TRPM1: variants seen among roughly 807,000 people sequenced by gnomAD.
TRPM1 encodes transient receptor potential cation channel subfamily M member 1.
A neutral mutation model predicts 149.4 loss-of-function variants in TRPM1; 113 were observed. The observed-to-expected ratio is 0.76, with a 90% CI of 0.65 to 0.88. The LOEUF (loss-of-function observed/expected upper bound fraction) is 0.88. Ranked by LOEUF, TRPM1 falls within the 40% of genes least tolerant of loss-of-function variation. The probability of loss-of-function intolerance (pLI) is 0.00; values close to 1 mark genes in which losing one functional copy is unlikely to be tolerated. For synonymous variants in TRPM1, 741 were observed against 759.5 expected (o/e 0.98, Z 0.40); for missense variants, 1,976 against 2,038.7 (o/e 0.97, Z 0.59).
chr15:31,096,843 G>C (rs1453707147), intron 1 of TRPM1, among the ~76,000 whole-genome samples: 1 of 152,206 alleles, frequency 6.6e-6, no homozygotes, highest in Non-Finnish European at 1.5e-5. Flanking sequence ...GGCCTGTCAG[G>C]TGTGGGCATC....
At chr15:31,149,848 G>C (rs1414576192) in intron 1 of TRPM1, among the ~76,000 whole-genome samples, 5 of 152,214 alleles carry the variant, frequency 3.3e-5, no homozygotes, top group Non-Finnish European at 5.9e-5. Flanking sequence ...CTTCCATCTT[G>C]ACATTCTGCC....
chr15:31,112,025 T>C (rs1299965557), intron 1 of TRPM1, among the ~76,000 whole-genome samples: 1 of 152,112 alleles, frequency 6.6e-6, no homozygotes, highest in Admixed American at 6.6e-5. Flanking sequence ...TTTGAAAAAA[T>C]CTTTGGAAAA....
At chr15:31,135,923 T>G (rs968696078) in intron 1 of TRPM1, among the ~76,000 whole-genome samples, 4 of 152,102 alleles carry the variant, frequency 2.6e-5, no homozygotes, top group Admixed American at 6.6e-5. Flanking sequence ...TTACCCAGCC[T>G]CAGGTATTCC....
At position 31,068,018 on chromosome 15, in the gene TRPM1, G is replaced by A; in HGVS notation, c.354C>T (p.Leu118=). ...HLMVKDWQLE[L]PKLLISVHGG... ...CATGCACAGATATTAAGAGCTTGGGGAGTTCCAGCTGCCAATCTTTCACCA... is the reference window on the plus strand; with the variant it reads ...CATGCACAGATATTAAGAGCTTGGGAAGTTCCAGCTGCCAATCTTTCACCA... The change falls in exon 5 of 28, where the codon CTC becomes CTT. Residue 118 remains leucine, a synonymous_variant. Transcript: ENST00000256552. 9.3e-6 allele frequency: 15 copies of A among 1,614,216 alleles called. No homozygotes were observed. The highest frequency in any genetic ancestry group is 1.3e-5 in the Non-Finnish European group (15 of 1,180,036).
intron 1 of TRPM1, among the ~76,000 whole-genome samples, chr15:31,113,300 G>C (rs77499079): frequency 0.032 from 4,925 of 152,172 alleles, 275 homozygotes; most frequent in African/African-American, 0.11. Context: ...TAACTCTCCA[G>C]GAAGAGTGCT....
chr15:31,037,262 G>A (rs1362621776), intron 20 of TRPM1, among the ~76,000 whole-genome samples: 2 of 152,218 alleles, frequency 1.3e-5, no homozygotes, highest in Non-Finnish European at 2.9e-5. Context: ...AGAATGAGAC[G>A]CCTTGATTTG....
rs576427665 is a variant in TRPM1 at position 31,049,582 on chromosome 15, CAG to C, written c.1438-75_1438-74del. The C allele has an allele frequency of 8.3e-5, 131 of 1,570,242 alleles. 2 individuals carry two copies. The South Asian group carries it at 1.3e-3, about 16-fold the overall frequency. On this transcript the variant is annotated intron_variant, in intron 12 of 27. Coordinates refer to ENST00000256552, the MANE Select transcript of TRPM1 (RefSeq NM_001252024.2). ...CAGGGGAGGGGGGCGACTGGAAACA[CAG>C]AGGAAAGGGTATTCCGAACGCCAGA... is the stretch of plus-strand genomic sequence containing the variant.
At chr15:31,012,346 A>C (rs1213539556) in intron 27 of TRPM1, among the ~76,000 whole-genome samples, 2 of 152,156 alleles carry the variant, frequency 1.3e-5, no homozygotes, top group Non-Finnish European at 2.9e-5. Context: ...GGAATATCTT[A>C]ATTTATCCTT....
intron 11 of TRPM1, among the ~76,000 whole-genome samples, chr15:31,053,011 T>A (rs2033987124): frequency 6.6e-6 from 1 of 152,188 alleles, no homozygotes; most frequent in Non-Finnish European, 1.5e-5. Context: ...TATTTGTACA[T>A]CATGTATATG....
At chr15:31,113,210 C>A (rs567662642) in intron 1 of TRPM1, among the ~76,000 whole-genome samples, 7 of 152,280 alleles carry the variant, frequency 4.6e-5, no homozygotes, top group Non-Finnish European at 8.8e-5. Flanking sequence ...TGGTAACTCA[C>A]AGGAGTGAAT....
At chr15:31,048,002 C>A in intron 13 of TRPM1, 63 bp from the exon 14 acceptor site, 1 of 1,431,442 alleles carries the variant, frequency 7.0e-7, no homozygotes, top group Non-Finnish European at 9.8e-7. Context: ...GTGGCTCACG[C>A]CTGTAGTCCC....
At chr15:31,057,515 C>T (rs746850896) in intron 11 of TRPM1, among the ~76,000 whole-genome samples, 1 of 152,156 alleles carries the variant, frequency 6.6e-6, no homozygotes, top group African/African-American at 2.4e-5. Flanking sequence ...AACAAACCTG[C>T]ACTTGTACCC....
At position 31,047,030 on chromosome 15, in the gene TRPM1, C is replaced by T. The variant is rs2033784981; in HGVS notation, c.1764+81G>A. 4.8e-5 allele frequency: 76 copies of T among 1,588,208 alleles called. 2 individuals carry two copies. In the South Asian group the frequency reaches 8.2e-4, roughly 17 times the overall value. On this transcript the variant is annotated intron_variant, in intron 15 of 27. Coordinates refer to ENST00000256552, the MANE Select transcript of TRPM1 (RefSeq NM_001252024.2). ...ACAGGGCGAAGGGCTTGGCTCTGAA[C>T]CGGCCAAGTTGTTGAAAAGCAAGCG...
chr15:31,019,572 T>C (rs2032485468), intron 27 of TRPM1, among the ~76,000 whole-genome samples: 1 of 152,198 alleles, frequency 6.6e-6, no homozygotes, highest in Non-Finnish European at 1.5e-5. Context: ...CAGCTAATTT[T>C]TGTATTTTTA....
chr15:31,037,392 T>G (rs754014679), intron 20 of TRPM1, among the ~76,000 whole-genome samples: 3 of 152,256 alleles, frequency 2.0e-5, no homozygotes, highest in Non-Finnish European at 2.9e-5. Flanking sequence ...TCTCTGTTCA[T>G]TTAAAAATAA....
intron 1 of TRPM1, among the ~76,000 whole-genome samples, chr15:31,126,374 G>A (rs1220342954): frequency 4.6e-5 from 7 of 152,176 alleles, no homozygotes; most frequent in African/African-American, 1.2e-4. Context: ...CGAAACTCCC[G>A]TGGGGATGTG....
chr15:31,122,646 A>G (rs752370341), intron 1 of TRPM1, among the ~76,000 whole-genome samples: 75 of 152,364 alleles, frequency 4.9e-4, no homozygotes, highest in Admixed American at 1.1e-3. Context: ...AACATGAGGA[A>G]AACTATAAAA....
chr15:31,055,086 T>C (rs1386023412), intron 11 of TRPM1, among the ~76,000 whole-genome samples: 1 of 152,214 alleles, frequency 6.6e-6, no homozygotes, highest in Admixed American at 6.6e-5. Flanking sequence ...AATTCTTATG[T>C]CCTCCCTACC....
rs370122578 is a variant in TRPM1, at chr15:31,026,144, A to G, written c.3624T>C (p.Ser1208=). ...SSSDERIRVT[S]ERVENMSMRL... ...GGTGGGGACGCTACACGTACCTTTC[A>G]GAAGTGACCCGGATGCGCTCGTCGC... Residue 1208 remains serine, a synonymous_variant, in exon 27 of 28, where the codon TCT becomes TCC. Coordinates refer to ENST00000256552, the MANE Select transcript of TRPM1 (RefSeq NM_001252024.2). The G allele has an allele frequency of 1.8e-4, 284 of 1,611,660 alleles. No homozygotes were observed. The highest frequency in any genetic ancestry group is 1.4e-3 in the Middle Eastern group (8 of 5,824).
Sources: allele counts gnomAD v4.1 joint callset (sites outside exome capture counted in the v4.1 genomes callset), GRCh38; gene constraint gnomAD v4.1.1; transcripts MANE v1.5; gene names NCBI Gene and HGNC (gene_info 2026-07-23, HGNC 2026-07-21).